LMOD1: variants seen among roughly 807,000 people sequenced by gnomAD.
LMOD1 encodes the protein leiomodin 1.
Under a neutral mutation model 36.5 loss-of-function variants are expected in LMOD1, and 8 were observed. The ratio of observed to expected loss-of-function variants is 0.22; its 90% confidence interval spans 0.13 to 0.40. LMOD1 has a LOEUF of 0.40. Ranked by LOEUF, LMOD1 falls within the 10% of genes least tolerant of loss-of-function variation. The pLI is 1.00. For synonymous variants in LMOD1, 284 were observed against 288.7 expected, an observed-to-expected ratio of 0.98 and a Z score of 0.17; for missense variants, 630 against 751.1, an observed-to-expected ratio of 0.84 and a Z score of 1.88.
chr1:201,907,362 G>T (rs1681428126), intron 1 of LMOD1, among the ~76,000 whole-genome samples: 1 of 152,198 alleles, frequency 6.6e-6, no homozygotes, highest in African/African-American at 2.4e-5. Flanking sequence ...AGAAAGCCTT[G>T]AATAGGAGAT....
At position 201,943,430 on chromosome 1, in the gene LMOD1, C is replaced by T. The variant is rs571316161; in HGVS notation, c.261+2650G>A. Among the ~76,000 whole-genome samples the T allele has an allele frequency of 9.2e-5, 14 of 152,364 alleles. No individual in the cohort carries two copies. The East Asian group carries it at 2.7e-3, about 29-fold the overall frequency. ...CTCTGTTTTGACCACTTTTCAGTTC[C>T]TCACATGGAGTGAAGGCCACCGTCA... On this transcript the variant is annotated intron_variant, in intron 1 of 2. Coordinates refer to ENST00000367288, the MANE Select transcript of LMOD1 (RefSeq NM_012134.3).
chr1:201,939,433 C>T (rs1682077496), intron 1 of LMOD1, among the ~76,000 whole-genome samples: 1 of 152,176 alleles, frequency 6.6e-6, no homozygotes, highest in Non-Finnish European at 1.5e-5. Flanking sequence ...CCTTGGGTAA[C>T]TTATTCCAAG....
Position 201,936,978 on chromosome 1 carries a change from A to G in LMOD1, c.261+9102T>C, listed in dbSNP as rs151231170. On this transcript the variant is annotated intron_variant, in intron 1 of 2. Transcript: ENST00000367288. ...CTGCTCAAATGTCACCTCTTTTGGTAGTGAAGACCCTGACTACTTTGTTGG... is the reference window on the plus strand; with the variant it reads ...CTGCTCAAATGTCACCTCTTTTGGTGGTGAAGACCCTGACTACTTTGTTGG... Among the ~76,000 whole-genome samples the G allele has an allele frequency of 2.9e-3, 446 of 152,282 alleles. 1 individual carries two copies. Among genetic ancestry groups the G allele is most frequent in the African/African-American group, 0.011 (438 of 41,562 alleles).
chr1:201,929,920 C>A (rs1312319189), intron 1 of LMOD1, among the ~76,000 whole-genome samples: 2 of 152,148 alleles, frequency 1.3e-5, no homozygotes, highest in Non-Finnish European at 2.9e-5. Context: ...AGGTGGAGCA[C>A]ACAACTTAGG....
In LMOD1 at chr1:201,900,223, T is replaced by A; in HGVS notation, c.790A>T (p.Thr264Ser). 1 of 1,613,990 alleles carries A rather than the reference T, an allele frequency of 6.2e-7. No individual in the cohort carries two copies. Among genetic ancestry groups the A allele is most frequent in the Non-Finnish European group, 8.5e-7 (1 of 1,179,876 alleles). Residue 264 changes from threonine to serine, a missense_variant, in exon 2 of 3, where the codon ACC becomes TCC. Transcript: ENST00000367288. Reference sequence around the variant, plus strand: ...TTGACTTTTTCATCGTCCTTTTTGGTGTCTGTGTTCCCAGTTCCTCTTTTT... The same window carrying A: ...TTGACTTTTTCATCGTCCTTTTTGGAGTCTGTGTTCCCAGTTCCTCTTTTT... Reference protein sequence around the residue: ...KVKRGTGNTDTKKDDEKVKKN... With the variant: ...KVKRGTGNTDSKKDDEKVKKN...
intron 1 of LMOD1, among the ~76,000 whole-genome samples, chr1:201,941,326 G>T (rs1682111662): frequency 6.6e-6 from 1 of 152,136 alleles, no homozygotes; most frequent in South Asian, 2.1e-4. Flanking sequence ...ACAAACACCT[G>T]TGGATTGTAC....
At chr1:201,898,934 G>T (rs1210817286) in intron 2 of LMOD1, among the ~76,000 whole-genome samples, 1 of 152,166 alleles carries the variant, frequency 6.6e-6, no homozygotes, top group Non-Finnish European at 1.5e-5. Flanking sequence ...CTCTGTAGAG[G>T]CCATTTCTCC....
intron 1 of LMOD1, among the ~76,000 whole-genome samples, chr1:201,935,691 G>A (rs544382703): frequency 2.4e-4 from 36 of 151,822 alleles, no homozygotes; most frequent in Middle Eastern, 3.4e-3. Flanking sequence ...CGAGTACCTG[G>A]GATTACAGGT....
chr1:201,940,747 CATTT>C (rs1682100906), intron 1 of LMOD1, among the ~76,000 whole-genome samples: 1 of 113,794 alleles, frequency 8.8e-6, no homozygotes, highest in Non-Finnish European at 1.9e-5. Flanking sequence ...CCACGCCCAG[CATTT>C]TTTTTTTTTT....
intron 1 of LMOD1, among the ~76,000 whole-genome samples, chr1:201,921,186 G>C (rs1159983392): frequency 6.6e-6 from 1 of 151,762 alleles, no homozygotes; most frequent in Non-Finnish European, 1.5e-5. Context: ...ATGCCTAACA[G>C]GTTGGCATTA....
intron 1 of LMOD1, among the ~76,000 whole-genome samples, chr1:201,923,729 G>A (rs1558239843): frequency 6.6e-6 from 1 of 152,056 alleles, no homozygotes; most frequent in African/African-American, 2.4e-5. Flanking sequence ...GCTGAATGTG[G>A]TGATGCACGC....
At chr1:201,930,344 C>T (rs550108317) in intron 1 of LMOD1, among the ~76,000 whole-genome samples, 2 of 152,138 alleles carry the variant, frequency 1.3e-5, no homozygotes, top group South Asian at 4.2e-4. Flanking sequence ...AAGTGATATG[C>T]ATGGGAGTAA....
chr1:201,901,457 G>T (rs1412124011), intron 1 of LMOD1, among the ~76,000 whole-genome samples: 6 of 143,650 alleles, frequency 4.2e-5, no homozygotes, highest in Non-Finnish European at 7.5e-5. Context: ...AGCCAAGACT[G>T]CACCATTGCA....
intron 1 of LMOD1, among the ~76,000 whole-genome samples, chr1:201,922,747 C>T (rs1681727426): frequency 6.7e-6 from 1 of 149,690 alleles, no homozygotes; most frequent in Admixed American, 6.7e-5. Flanking sequence ...ATATATAATA[C>T]ACTATTATAT....
chr1:201,900,977 G>A (rs549969746), intron 1 of LMOD1, among the ~76,000 whole-genome samples: 1 of 152,282 alleles, frequency 6.6e-6, no homozygotes, highest in East Asian at 1.9e-4. Context: ...CCTCAGGGTT[G>A]TGAGACAACC....
In LMOD1 at chr1:201,896,554, C is replaced by A. The variant is rs959934705; in HGVS notation, c.*1818G>T. The A allele has an allele frequency of 1.8e-5, 8 of 456,654 alleles. No individual in the cohort carries two copies. The highest frequency in any genetic ancestry group is 1.6e-4 in the African/African-American group (8 of 50,082). 28.3% of individuals were successfully genotyped at this position (456,654 alleles called of 1,614,324 possible). ...AAATAGAATATTGGTATCCACCTCA[C>A]AGAGTTGAAGGATCAGCTGAAGCAA... On this transcript the variant is annotated 3_prime_UTR_variant, in exon 3 of 3. Coordinates refer to ENST00000367288, the MANE Select transcript of LMOD1 (RefSeq NM_012134.3).
At chr1:201,934,360 C>T (rs1296324791) in intron 1 of LMOD1, among the ~76,000 whole-genome samples, 2 of 152,108 alleles carry the variant, frequency 1.3e-5, no homozygotes, top group Non-Finnish European at 2.9e-5. Flanking sequence ...CTCCCATCAC[C>T]ACACTTATCA....
At chr1:201,924,948 C>T (rs1055431307) in intron 1 of LMOD1, among the ~76,000 whole-genome samples, 1 of 152,170 alleles carries the variant, frequency 6.6e-6, no homozygotes, top group Non-Finnish European at 1.5e-5. Context: ...AGCGTGGTGG[C>T]TCATACCTGT....
At chr1:201,933,248 T>C (rs1681956474) in intron 1 of LMOD1, among the ~76,000 whole-genome samples, 1 of 151,914 alleles carries the variant, frequency 6.6e-6, no homozygotes, top group Non-Finnish European at 1.5e-5. Flanking sequence ...ACCCCATCTC[T>C]ACTAAAAATA....
Sources: gnomAD v4.1 joint callset for allele counts (sites outside exome capture counted in the v4.1 genomes callset) on GRCh38, gnomAD v4.1.1 for gene constraint, MANE v1.5 for transcripts, NCBI Gene and HGNC (gene_info 2026-07-23, HGNC 2026-07-21) for gene names.